The following EXD2 variants were observed in gnomAD, a reference collection of about 807,000 sequenced individuals.
EXD2 encodes exonuclease 3'-5' domain-containing protein 2.
In EXD2, 40 loss-of-function variants were observed where a neutral mutation model predicts 62.5. The observed-to-expected ratio is 0.64, with a 90% CI of 0.50 to 0.83. The LOEUF (loss-of-function observed/expected upper bound fraction) is 0.83, where lower values mean the gene tolerates loss of function less well. EXD2 is among the 40% of genes least tolerant of loss of function. The pLI is 0.00. For synonymous variants in EXD2, 239 were observed against 291.9 expected (o/e 0.82, Z 1.85); for missense variants, 671 against 761.8 (o/e 0.88, Z 1.40).
intron 3 of EXD2, among the ~76,000 whole-genome samples, chr14:69,214,505 C>T (rs1379176767): frequency 6.6e-6 from 1 of 151,910 alleles, no homozygotes; most frequent in Non-Finnish European, 1.5e-5. Flanking sequence ...TTTTTTTAGA[C>T]TTTTTTATTG....
At chr14:69,224,666 A>C (rs1363979421) in intron 3 of EXD2, among the ~76,000 whole-genome samples, 2 of 152,110 alleles carry the variant, frequency 1.3e-5, no homozygotes, top group Admixed American at 6.6e-5. Flanking sequence ...CCTCTGCCCA[A>C]AACCCTTCCA....
intron 3 of EXD2, 21 bp downstream of exon 3, chr14:69,209,824 T>TAAAAAA: frequency 1.9e-6 from 2 of 1,056,268 alleles, no homozygotes; most frequent in Non-Finnish European, 2.5e-6. Context: ...AAGCAAAAGT[T>TAAAAAA]AAAAAAAAAA....
chr14:69,212,816 G>A (rs994025892), intron 3 of EXD2, among the ~76,000 whole-genome samples: 16 of 142,292 alleles, frequency 1.1e-4, no homozygotes, highest in African/African-American at 4.2e-4. Context: ...TCAGATGATT[G>A]TCTCACCTCA....
Position 69,236,167 on chromosome 14 carries a change from T to C in EXD2, c.1156+15T>C. On this transcript the variant is annotated intron_variant, in intron 7 of 9. Transcript: ENST00000685843. ...AGGCATTGGTGGTATGAGATTCAGC[T>C]GTCCTTGTTTATCTCTAATTAGGTG... 6.2e-7 allele frequency: 1 copy of C among 1,604,258 alleles called. No individual in the cohort carries two copies. The highest frequency in any genetic ancestry group is 8.5e-7 in the Non-Finnish European group (1 of 1,170,984).
intron 1 of EXD2, among the ~76,000 whole-genome samples, chr14:69,195,868 T>C (rs1361510261): frequency 6.6e-6 from 1 of 152,232 alleles, no homozygotes; most frequent in African/African-American, 2.4e-5. Context: ...TATTACTGAA[T>C]GAAATTTCAT....
chr14:69,210,799 G>C (rs115019489), intron 3 of EXD2, among the ~76,000 whole-genome samples: 51 of 152,214 alleles, frequency 3.4e-4, no homozygotes, highest in African/African-American at 1.2e-3. Context: ...GGCAGAGGGA[G>C]ATCCTGTCTC....
At chr14:69,213,908 T>G (rs914250640) in intron 3 of EXD2, 1 of 7,606 alleles carries the variant, frequency 1.3e-4, no homozygotes, top group Non-Finnish European at 2.2e-4. Context: ...TGTATTTACC[T>G]TTTTCTTTGC....
At chr14:69,216,967 C>A (rs973189976) in intron 3 of EXD2, among the ~76,000 whole-genome samples, 1 of 152,094 alleles carries the variant, frequency 6.6e-6, no homozygotes, top group Non-Finnish European at 1.5e-5. Context: ...ATTATATATT[C>A]TTTGATCAAC....
intron 3 of EXD2, among the ~76,000 whole-genome samples, chr14:69,211,763 T>C (rs1283468003): frequency 1.3e-5 from 2 of 152,190 alleles, no homozygotes; most frequent in East Asian, 1.9e-4. Context: ...AAAATTCACC[T>C]GTGCCAAGCA....
In EXD2 at chr14:69,206,455, C is replaced by CCTTTTTTTTTTTTTTTTTTTTTTTTTT. The variant is rs60787528; in HGVS notation, c.-48+2455_-48+2456insCTTTTTTTTTTTTTTTTTTTTTTTTTT. On this transcript the variant is annotated intron_variant, in intron 2 of 9. Transcript: ENST00000685843. ...CCCAGCTTCATCTCCCACCCACCCA[C>CCTTTTTTTTTTTTTTTTTTTTTTTTTT]TTTTTTTTTTTTTTTTTTTTTTTTT... 1.6e-4 allele frequency among the ~76,000 whole-genome samples: 15 copies of CCTTTTTTTTTTTTTTTTTTTTTTTTTT among 94,668 alleles called. 6 individuals are homozygous for CCTTTTTTTTTTTTTTTTTTTTTTTTTT. The highest frequency in any genetic ancestry group is 4.1e-4 in the African/African-American group (9 of 22,164). 62.1% of individuals were successfully genotyped at this position (94,668 alleles called of 152,430 possible). A position where few individuals can be genotyped will look rare whatever the true frequency, so the allele number is the denominator to read the frequency against.
chr14:69,241,114 C>G lies in EXD2; in HGVS notation c.*14C>G, dbSNP rs756606515. On this transcript the variant is annotated 3_prime_UTR_variant, in exon 10 of 10. Coordinates refer to ENST00000685843, the MANE Select transcript of EXD2 (RefSeq NM_001193360.2). ...CAGCTGTCTTGATAGCTGCTTTCCT[C>G]CCAGTTAGGACAAGTGGGAAGCTGG... is the stretch of plus-strand genomic sequence containing the variant. The G allele has an allele frequency of 6.2e-7, 1 of 1,609,592 alleles. No homozygotes were observed. The highest frequency in any genetic ancestry group is 1.7e-5 in the Admixed American group (1 of 59,962).
chr14:69,239,751 G>A (rs1250042683), intron 9 of EXD2, among the ~76,000 whole-genome samples: 1 of 152,180 alleles, frequency 6.6e-6, no homozygotes, highest in Non-Finnish European at 1.5e-5. Flanking sequence ...ACAAGTGTGT[G>A]CCACCACACA....
intron 1 of EXD2, among the ~76,000 whole-genome samples, chr14:69,202,011 G>T (rs1566816783): frequency 6.6e-6 from 1 of 152,040 alleles, no homozygotes; most frequent in Non-Finnish European, 1.5e-5. Context: ...CCCCAACTCG[G>T]CCAGGTGTGG....
Position 69,241,037 on chromosome 14 carries a change from G to A in EXD2, c.1803G>A (p.Val601=). ...QPKHLPQQWS[V]DHNHQKLLRK... ...AGCACCTGCCCCAGCAGTGGTCAGT[G>A]GACCACAACCATCAGAAGCTGCTCC... Residue 601 remains valine (V), a synonymous_variant, in exon 10 of 10, where the codon GTG becomes GTA. Coordinates refer to ENST00000685843, the MANE Select transcript of EXD2 (RefSeq NM_001193360.2). 1 of 1,612,942 alleles carries A rather than the reference G, an allele frequency of 6.2e-7. No individual in the cohort carries two copies. Among genetic ancestry groups the A allele is most frequent in the South Asian group, 1.1e-5 (1 of 91,016 alleles).
chr14:69,225,663 A>G (rs2043333749), intron 3 of EXD2, among the ~76,000 whole-genome samples: 1 of 152,228 alleles, frequency 6.6e-6, no homozygotes, highest in South Asian at 2.1e-4. Flanking sequence ...ATGAAATTAA[A>G]ACGTGTCACT....
chr14:69,220,875 A>G (rs78048130), intron 3 of EXD2, among the ~76,000 whole-genome samples: 3 of 151,950 alleles, frequency 2.0e-5, no homozygotes, highest in Non-Finnish European at 4.4e-5. Flanking sequence ...TTCTAAGTCA[A>G]TCAATCAATA....
intron 3 of EXD2, among the ~76,000 whole-genome samples, chr14:69,218,074 G>A (rs1321921748): frequency 6.6e-6 from 1 of 152,124 alleles, no homozygotes; most frequent in Non-Finnish European, 1.5e-5. Context: ...TGAGTCAAAT[G>A]GTATTTCTAA....
chr14:69,192,878 T>C (rs1410490897), intron 1 of EXD2, among the ~76,000 whole-genome samples: 2 of 152,196 alleles, frequency 1.3e-5, no homozygotes. Flanking sequence ...GTTTCCAGTT[T>C]TTCATTGTTA....
rs1243066564 is a variant in EXD2, at chr14:69,229,033, G to A, written c.551G>A (p.Arg184Lys). The stretch of plus-strand genomic sequence containing the variant: ...CTGCAGGATTATGGCCTCGTTGTTA[G>A]GGGGTGCCTGGACCTCCGATACCTA... ...KLLQDYGLVV[R>K]GCLDLRYLAM... Residue 184 changes from arginine to lysine, a missense_variant, in exon 4 of 10, where the codon AGG (arginine) becomes AAG (lysine). Transcript: ENST00000685843. 2 of 1,614,092 alleles carry A rather than the reference G, an allele frequency of 1.2e-6. No individual in the cohort carries two copies. Among genetic ancestry groups the A allele is most frequent in the African/African-American group, 2.7e-5 (2 of 74,940 alleles).
Sources: gnomAD v4.1 joint callset for allele counts (sites outside exome capture counted in the v4.1 genomes callset) on GRCh38, gnomAD v4.1.1 for gene constraint, MANE v1.5 for transcripts, NCBI Gene and HGNC (gene_info 2026-07-23, HGNC 2026-07-21) for gene names.